KAZN: variants seen among roughly 807,000 people sequenced by gnomAD.
KAZN encodes kazrin, periplakin interacting protein.
A neutral mutation model predicts 87.4 loss-of-function variants in KAZN; 40 were observed. The ratio of observed to expected loss-of-function variants is 0.46; its 90% CI spans 0.36 to 0.60. The LOEUF is 0.60. KAZN is among the 20% of genes least tolerant of loss of function. The pLI is 0.00. For missense variants in KAZN, 898 were observed against 1,073.9 expected (o/e 0.84, Z 2.29); for synonymous variants, 466 against 458.3 (o/e 1.02, Z -0.22).
Position 14,599,170 on chromosome 1 carries a change from C to G in KAZN, c.173C>G (p.Ala58Gly). The G allele has an allele frequency of 7.3e-7, 1 of 1,376,626 alleles. No individual in the cohort carries two copies. The highest frequency in any genetic ancestry group is 2.3e-4 in the Middle Eastern group (1 of 4,308). The allele number at this position is 1,376,626 out of a possible 1,614,324, so 85.3% of individuals were successfully genotyped here. A position where few individuals can be genotyped will look rare whatever the true frequency, so the allele number is the denominator to read the frequency against. The change falls in exon 1 of 15, where the codon GCG becomes GGG. Residue 58 changes from alanine to glycine, a missense_variant. By Grantham distance (60) the Ala-to-Gly change is moderately conservative (BLOSUM62 0). This residue lies in a region of KAZN where 250 missense variants were observed against 263.0 expected (regional missense o/e 0.95). Coordinates refer to ENST00000376030, the MANE Select transcript of KAZN (RefSeq NM_201628.3). The surrounding 1 kb of genome is among the most constrained non-coding windows in gnomAD (Gnocchi z 4.4). ...CCGGGAGCCGCGGCCAGCGCCTCGG[C>G]GGCGGGGGACTCGGCGGCGACGAAC... ...PGPGAAASAS[A>G]AGDSAATNME...
chr1:14,099,493 A>C (rs925057380), intron 1 of KAZN, among the ~76,000 whole-genome samples: 3 of 152,094 alleles, frequency 2.0e-5, no homozygotes. Flanking sequence ...TTAACAGTCA[A>C]TTTATAGACG....
At chr1:14,199,380 G>A (rs1646593589) in intron 2 of KAZN, among the ~76,000 whole-genome samples, 1 of 152,162 alleles carries the variant, frequency 6.6e-6, no homozygotes, top group Non-Finnish European at 1.5e-5. Context: ...TGCACAGATG[G>A]CTTCCATCAC....
chr1:14,645,058 G>A (rs555066578), intron 1 of KAZN, among the ~76,000 whole-genome samples: 2 of 152,246 alleles, frequency 1.3e-5, no homozygotes, highest in Admixed American at 6.5e-5. Context: ...TTATTGAATC[G>A]GGAGTCTTTT....
intron 2 of KAZN, among the ~76,000 whole-genome samples, chr1:14,587,858 A>G (rs1675954505): frequency 6.6e-6 from 1 of 152,144 alleles, no homozygotes; most frequent in South Asian, 2.1e-4. Flanking sequence ...ACCTCCCCAG[A>G]AAAAAAGATG....
intron 2 of KAZN, among the ~76,000 whole-genome samples, chr1:14,552,992 C>T (rs537248267): frequency 6.6e-6 from 1 of 152,200 alleles, no homozygotes; most frequent in African/African-American, 2.4e-5. Flanking sequence ...AGACTCAGCA[C>T]AATTAGCCGT....
chr1:14,984,577 C>G (rs781621802), intron 2 of KAZN, among the ~76,000 whole-genome samples: 2 of 151,980 alleles, frequency 1.3e-5, no homozygotes, highest in Non-Finnish European at 2.9e-5. Context: ...GAGCAAGAAG[C>G]CATGTCCCCC....
chr1:14,935,993 A>G (rs567143456), intron 1 of KAZN, among the ~76,000 whole-genome samples: 79 of 152,330 alleles, frequency 5.2e-4, no homozygotes, highest in Middle Eastern at 3.4e-3. Flanking sequence ...ATTTCCCTGG[A>G]GCCTCCAAGC....
chr1:14,309,444 G>A (rs1449157402), intron 2 of KAZN, among the ~76,000 whole-genome samples: 1 of 152,244 alleles, frequency 6.6e-6, no homozygotes, highest in African/African-American at 2.4e-5. Flanking sequence ...AGACAGAGTG[G>A]AATGGGAGGA....
intron 2 of KAZN, among the ~76,000 whole-genome samples, chr1:14,986,427 T>G (rs1341919391): frequency 6.6e-6 from 1 of 152,168 alleles, no homozygotes; most frequent in Non-Finnish European, 1.5e-5. Flanking sequence ...AGAGGAAACT[T>G]GTGTACAGTG....
chr1:14,260,795 G>T (rs1347922418), intron 2 of KAZN, among the ~76,000 whole-genome samples: 1 of 152,110 alleles, frequency 6.6e-6, no homozygotes, highest in African/African-American at 2.4e-5. Context: ...CTTGTCAGAT[G>T]GGTACTGTTA....
chr1:14,014,132 A>AT lies in KAZN; in HGVS notation c.91+120384dup, dbSNP rs544546589. On this transcript the variant is annotated intron_variant, in intron 1 of 16. Coordinates refer to the KAZN transcript ENST00000636203. ...TATATGCCACCACCCACCATTGATG[A>AT]TTTTTTTTCGCTATACCACAATATA... Among the ~76,000 whole-genome samples, 61 of 151,630 alleles carry AT rather than the reference A, an allele frequency of 4.0e-4. No individual in the cohort carries two copies. In the South Asian group the frequency reaches 0.012, roughly 30 times the overall value.
intron 2 of KAZN, among the ~76,000 whole-genome samples, chr1:14,189,912 T>TGG (rs1346808851): frequency 1.3e-5 from 2 of 152,316 alleles, no homozygotes; most frequent in Admixed American, 1.3e-4. Context: ...AAGCAAGTTT[T>TGG]ATGGACCTTC....
At chr1:14,902,435 A>G (rs1460900746) in intron 1 of KAZN, among the ~76,000 whole-genome samples, 1 of 152,054 alleles carries the variant, frequency 6.6e-6, no homozygotes, top group Admixed American at 6.6e-5. Flanking sequence ...TCACCGTGTT[A>G]GCCAGGATGG....
At chr1:14,520,438 G>T (rs1322264667) in intron 2 of KAZN, among the ~76,000 whole-genome samples, 2 of 152,110 alleles carry the variant, frequency 1.3e-5, no homozygotes, top group African/African-American at 4.8e-5. Flanking sequence ...GAGCCTGGGG[G>T]ACAATTGTGC....
intron 1 of KAZN, among the ~76,000 whole-genome samples, chr1:14,103,141 G>A (rs898584239): frequency 3.9e-5 from 6 of 152,006 alleles, no homozygotes; most frequent in Non-Finnish European, 7.4e-5. Flanking sequence ...GGCTGGTCTC[G>A]AACTCCTGGC....
intron 1 of KAZN, among the ~76,000 whole-genome samples, chr1:14,903,438 C>A (rs1332884742): frequency 6.6e-6 from 1 of 152,182 alleles, no homozygotes; most frequent in East Asian, 1.9e-4. Flanking sequence ...GCCATCTGTG[C>A]CACTTCCCTC....
intron 2 of KAZN, among the ~76,000 whole-genome samples, chr1:14,991,789 G>C (rs1302634005): frequency 6.6e-6 from 1 of 152,198 alleles, no homozygotes; most frequent in Non-Finnish European, 1.5e-5. Context: ...GCCAGAGCCT[G>C]GTCCCACGTG....
chr1:13,931,881 A>G (rs2100936398), intron 1 of KAZN, among the ~76,000 whole-genome samples: 1 of 152,324 alleles, frequency 6.6e-6, no homozygotes, highest in East Asian at 1.9e-4. Flanking sequence ...TCTATTGCCC[A>G]GGCTGGAGTG....
chr1:14,351,294 T>TG (rs1658533680), intron 2 of KAZN, among the ~76,000 whole-genome samples: 1 of 152,192 alleles, frequency 6.6e-6, no homozygotes, highest in African/African-American at 2.4e-5. Flanking sequence ...GGCCAGGCAC[T>TG]GTGGCTCACA....
Sources: gnomAD v4.1 joint callset for allele counts (sites outside exome capture counted in the v4.1 genomes callset) on GRCh38, gnomAD v4.1.1 for gene constraint, gnomAD v4.1.1 regional missense constraint, Gnocchi (gnomAD v3.1) non-coding constraint, MANE v1.5 for transcripts, NCBI Gene and HGNC (gene_info 2026-07-23, HGNC 2026-07-21) for gene names.